Variants in PTPRD observed in about 807,000 individuals in gnomAD.
PTPRD encodes protein tyrosine phosphatase receptor type D.
PTPRD carries 34 observed loss-of-function variants against 214.5 expected under a neutral mutation model. That is an observed-to-expected ratio of 0.16 (90% CI 0.12 to 0.21). PTPRD has a LOEUF of 0.21. Ranked by LOEUF, PTPRD falls within the 10% of genes least tolerant of loss-of-function variation. The pLI, the probability that PTPRD is intolerant of heterozygous loss-of-function variation, is 1.00. For synonymous variants in PTPRD, 1,128 were observed against 845.7 expected (o/e 1.33, Z -5.79); for missense variants, 2,545 against 2,398.7 (o/e 1.06, Z -1.27).
At chr9:9,599,728 C>T (rs2093617062) in intron 7 of PTPRD, among the ~76,000 whole-genome samples, 1 of 151,742 alleles carries the variant, frequency 6.6e-6, no homozygotes, top group African/African-American at 2.4e-5. Flanking sequence ...TCTAGAATTC[C>T]TGTAATTTAA....
intron 8 of PTPRD, among the ~76,000 whole-genome samples, chr9:9,504,754 C>T (rs2096531099): frequency 6.6e-6 from 1 of 151,512 alleles, no homozygotes; most frequent in Non-Finnish European, 1.5e-5. Context: ...ACAGAAAACC[C>T]TAAAGGTGTA....
chr9:10,465,655 C>T (rs1355939369), intron 2 of PTPRD, among the ~76,000 whole-genome samples: 1 of 152,184 alleles, frequency 6.6e-6, no homozygotes, highest in East Asian at 1.9e-4. Flanking sequence ...CAAATACCTA[C>T]ACTGTGCTAC....
intron 3 of PTPRD, among the ~76,000 whole-genome samples, chr9:10,041,785 T>C (rs759167660): frequency 4.6e-5 from 7 of 152,010 alleles, no homozygotes; most frequent in Non-Finnish European, 1.0e-4. Flanking sequence ...AAAGAAAAAA[T>C]TCATTTCTTA....
chr9:8,695,213 G>C (rs1365834578), intron 12 of PTPRD, among the ~76,000 whole-genome samples: 2 of 152,098 alleles, frequency 1.3e-5, no homozygotes, highest in Non-Finnish European at 2.9e-5. Context: ...CTTTGTCTTG[G>C]TGCCAATCTT....
chr9:9,404,366 G>A (rs1569568038), intron 8 of PTPRD, among the ~76,000 whole-genome samples: 1 of 152,068 alleles, frequency 6.6e-6, no homozygotes, highest in East Asian at 1.9e-4. Flanking sequence ...AAGTGTAGCT[G>A]GAGATGGAGA....
chr9:10,340,618 C>T (rs930134360), intron 3 of PTPRD, among the ~76,000 whole-genome samples: 1 of 151,862 alleles, frequency 6.6e-6, no homozygotes, highest in African/African-American at 2.4e-5. Flanking sequence ...TAATTTCTTT[C>T]TACAACAGAA....
intron 36 of PTPRD, among the ~76,000 whole-genome samples, chr9:8,402,597 T>C (rs1347122803): frequency 2.0e-5 from 3 of 152,184 alleles, no homozygotes; most frequent in Non-Finnish European, 4.4e-5. Flanking sequence ...TACCTTGCTT[T>C]TGCTAATGGA....
At chr9:9,401,328 A>G (rs939087513) in intron 8 of PTPRD, among the ~76,000 whole-genome samples, 10 of 152,054 alleles carry the variant, frequency 6.6e-5, no homozygotes, top group African/African-American at 2.4e-4. Flanking sequence ...GTAATCAGAG[A>G]AATCCCCCTC....
chr9:9,270,503 T>A (rs1336558284), intron 9 of PTPRD, among the ~76,000 whole-genome samples: 1 of 151,064 alleles, frequency 6.6e-6, no homozygotes, highest in African/African-American at 2.4e-5. Context: ...CTTAGAACAG[T>A]CAAGGAAACA....
At chr9:8,375,387 T>C (rs1343923890) in intron 39 of PTPRD, among the ~76,000 whole-genome samples, 1 of 152,042 alleles carries the variant, frequency 6.6e-6, no homozygotes, top group East Asian at 1.9e-4. Flanking sequence ...TTCCAAATTA[T>C]AGAACTTGTA....
chr9:10,430,190 T>G (rs979849676), intron 2 of PTPRD, among the ~76,000 whole-genome samples: 1 of 151,934 alleles, frequency 6.6e-6, no homozygotes, highest in Non-Finnish European at 1.5e-5. Context: ...ACTAAGAAAT[T>G]TAGAATATTT....
intron 8 of PTPRD, among the ~76,000 whole-genome samples, chr9:9,449,502 G>T (rs182726976): frequency 5.4e-4 from 82 of 152,064 alleles, no homozygotes; most frequent in African/African-American, 1.8e-3. Flanking sequence ...GGAAAACTGA[G>T]AGAATATAAG....
intron 9 of PTPRD, among the ~76,000 whole-genome samples, chr9:9,278,065 T>C (rs1199160188): frequency 6.6e-6 from 1 of 151,436 alleles, no homozygotes; most frequent in Non-Finnish European, 1.5e-5. Context: ...TGCTGCAATA[T>C]ATGCTATTAA....
intron 3 of PTPRD, among the ~76,000 whole-genome samples, chr9:10,306,210 G>A (rs1209447428): frequency 6.7e-6 from 1 of 150,272 alleles, no homozygotes; most frequent in African/African-American, 2.5e-5. Flanking sequence ...CTCATAAGTG[G>A]GAGTTGAACA....
At chr9:8,691,516 G>C (rs1416069550) in intron 12 of PTPRD, among the ~76,000 whole-genome samples, 1 of 152,118 alleles carries the variant, frequency 6.6e-6, no homozygotes, top group East Asian at 1.9e-4. Context: ...ACCTCTCCTG[G>C]TTGGTCAGAA....
intron 36 of PTPRD, among the ~76,000 whole-genome samples, chr9:8,395,150 T>G (rs1316626280): frequency 6.6e-6 from 1 of 152,136 alleles, no homozygotes; most frequent in Admixed American, 6.6e-5. Flanking sequence ...AAAAAGAAAT[T>G]GCTTTTTGGC....
intron 11 of PTPRD, among the ~76,000 whole-genome samples, chr9:8,866,479 C>A (rs2154546746): frequency 6.6e-6 from 1 of 152,214 alleles, no homozygotes; most frequent in South Asian, 2.1e-4. Context: ...GCCCAATTAA[C>A]CTTAATAAAA....
chr9:9,283,247 C>T (rs1948353006), intron 9 of PTPRD, among the ~76,000 whole-genome samples: 1 of 151,444 alleles, frequency 6.6e-6, no homozygotes, highest in Admixed American at 6.6e-5. Context: ...GCTAATTTTA[C>T]TTCCAAGACC....
At chr9:10,114,325 G>C (rs2098713556) in intron 3 of PTPRD, among the ~76,000 whole-genome samples, 1 of 152,118 alleles carries the variant, frequency 6.6e-6, no homozygotes, top group Non-Finnish European at 1.5e-5. Context: ...ATCAAGCAAA[G>C]AACCACTTTC....
Sources: gnomAD v4.1 joint callset for allele counts (sites outside exome capture counted in the v4.1 genomes callset) on GRCh38, gnomAD v4.1.1 for gene constraint, MANE v1.5 for transcripts, NCBI Gene and HGNC (gene_info 2026-07-23, HGNC 2026-07-21) for gene names.